The following COL4A4 variants were observed in gnomAD, a reference collection of about 807,000 sequenced individuals.
COL4A4 encodes collagen type IV alpha 4 chain, also known as collagen alpha-4(IV) chain.
Under a neutral mutation model 192.9 loss-of-function variants are expected in COL4A4, and 105 were observed. The observed-to-expected ratio is 0.54, with a 90% confidence interval of 0.46 to 0.64. The LOEUF is 0.64. Ranked by LOEUF, COL4A4 falls within the 30% of genes least tolerant of loss-of-function variation. The pLI, the probability that COL4A4 is intolerant of heterozygous loss-of-function variation, is 0.00. For missense variants in COL4A4, 1,967 were observed against 2,169.3 expected, an observed-to-expected ratio of 0.91 and a Z score of 1.85; for synonymous variants, 762 against 769.9, an observed-to-expected ratio of 0.99 and a Z score of 0.17.
chr2:227,104,123 G>A (rs2060680373), intron 12 of COL4A4, 71 bp from the exon 13 acceptor site: 1 of 1,249,070 alleles, frequency 8.0e-7, no homozygotes. Flanking sequence ...CCCATGTATT[G>A]TGGTATAATG....
intron 12 of COL4A4, among the ~76,000 whole-genome samples, chr2:227,107,331 A>C (rs943692360): frequency 1.3e-4 from 20 of 152,158 alleles, no homozygotes; most frequent in African/African-American, 4.3e-4. Flanking sequence ...CCTGTAATTC[A>C]CAGGACAGCC....
intron 28 of COL4A4, 89 bp from the exon 29 acceptor site, chr2:227,057,689 G>A: frequency 1.5e-6 from 2 of 1,335,926 alleles, no homozygotes; most frequent in Non-Finnish European, 2.1e-6. Flanking sequence ...CAATACTGGA[G>A]GTGAACATTT....
At chr2:227,044,125 T>A (rs1336350887) in intron 35 of COL4A4, among the ~76,000 whole-genome samples, 2 of 152,236 alleles carry the variant, frequency 1.3e-5, no homozygotes, top group African/African-American at 4.8e-5. Flanking sequence ...GCCAGTAGTT[T>A]GGAGTAAGTG....
At chr2:227,061,829 A>AT (rs1977136140) in intron 26 of COL4A4, among the ~76,000 whole-genome samples, 1 of 152,174 alleles carries the variant, frequency 6.6e-6, no homozygotes, top group African/African-American at 2.4e-5. Flanking sequence ...ATATTTGGGC[A>AT]TTTTTTTCAA....
intron 25 of COL4A4, 149 bp from the exon 26 acceptor site, chr2:227,062,747 C>A: frequency 1.5e-6 from 1 of 669,538 alleles, no homozygotes; most frequent in Non-Finnish European, 2.7e-6. Context: ...CATTAGATCA[C>A]TTAAGCTGCT....
At chr2:227,047,415 G>T (rs1973114065) in intron 35 of COL4A4, 60 bp downstream of exon 35, 3 of 1,189,476 alleles carry the variant, frequency 2.5e-6, no homozygotes, top group African/African-American at 1.5e-5. Flanking sequence ...AGAAGTAATT[G>T]TTCTGCTTTT....
chr2:227,080,663 T>C, intron 23 of COL4A4, 114 bp from the exon 24 acceptor site: 1 of 843,952 alleles, frequency 1.2e-6, no homozygotes, highest in Non-Finnish European at 2.0e-6. Context: ...GTTTCCTGTG[T>C]ATCTCAATTG....
rs190324578 is a variant in COL4A4 at position 227,120,203 on chromosome 2, G to A, written c.328-264C>T. On this transcript the variant is annotated intron_variant, in intron 5 of 47. Coordinates refer to ENST00000396625, the MANE Select transcript of COL4A4 (RefSeq NM_000092.5). ...ACAGAAATCTAACACTCCGAATCTC[G>A]ATCCTAGAGTAACAAACCCTTAACT... 5.3e-5 allele frequency among the ~76,000 whole-genome samples: 8 copies of A among 152,200 alleles called. No homozygotes were observed. The East Asian group carries it at 9.7e-4, about 18-fold the overall frequency.
intron 4 of COL4A4, among the ~76,000 whole-genome samples, chr2:227,136,659 A>G (rs1248640281): frequency 6.6e-6 from 1 of 152,178 alleles, no homozygotes; most frequent in Non-Finnish European, 1.5e-5. Flanking sequence ...ATTGCGAACC[A>G]TGGCCGTTCC....
At chr2:227,023,473 A>G (rs1432789021) in intron 43 of COL4A4, among the ~76,000 whole-genome samples, 7 of 151,848 alleles carry the variant, frequency 4.6e-5, no homozygotes. Flanking sequence ...GAAAACCACT[A>G]TACTAAAGAT....
intron 6 of COL4A4, among the ~76,000 whole-genome samples, chr2:227,119,061 T>A (rs867429636): frequency 1.3e-5 from 2 of 152,050 alleles, no homozygotes; most frequent in African/African-American, 4.8e-5. Flanking sequence ...TACCTCTTTT[T>A]TTTTTTCCAT....
At chr2:227,160,089 G>A (rs574142752) in intron 1 of COL4A4, among the ~76,000 whole-genome samples, 140 of 152,256 alleles carry the variant, frequency 9.2e-4, no homozygotes, top group Non-Finnish European at 1.4e-3. Context: ...TAGTAAATAC[G>A]AAGGTGTGAG....
chr2:226,973,291 C>G, the COL4A4 span, among the ~76,000 whole-genome samples: 5 of 152,216 alleles, frequency 3.3e-5, no homozygotes, highest in African/African-American at 1.2e-4. Context: ...TGCCTGGCAT[C>G]AAGTTAAGGA....
the COL4A4 span, chr2:226,988,461 G>T: frequency 1.3e-6 from 2 of 1,548,612 alleles, no homozygotes; most frequent in Non-Finnish European, 1.7e-6. Flanking sequence ...ATCCTTTGAG[G>T]CTGCAGGGTC....
rs1225616968 is a variant in COL4A4 at position 227,007,452 on chromosome 2, C to A, written c.4946G>T (p.Ser1649Ile). 1 of 1,614,224 alleles carries A rather than the reference C, an allele frequency of 6.2e-7. No homozygotes were observed. The highest frequency in any genetic ancestry group is 1.7e-5 in the Admixed American group (1 of 60,020). The change falls in exon 48 of 48, where the codon AGC (serine) becomes ATC (isoleucine). Residue 1649 changes from serine (S) to isoleucine (I), a missense_variant. Coordinates refer to ENST00000396625, the MANE Select transcript of COL4A4 (RefSeq NM_000092.5). The part of the protein sequence containing the change: ...GTCHFFANKY[S>I]FWLTTVKADL... ...TGCTTTCACCGTTGTGAGCCAGAAG[C>A]TATACTTATTTGCGAAAAAGTGGCA...
chr2:227,056,210 AC>A (rs1285706596), intron 29 of COL4A4, 95 bp from the exon 30 acceptor site: 5 of 1,064,798 alleles, frequency 4.7e-6, no homozygotes, highest in Non-Finnish European at 7.3e-6. Flanking sequence ...AATGCGTTAA[AC>A]AACAGTAAAG....
chr2:226,970,977 G>A, the COL4A4 span, among the ~76,000 whole-genome samples: 14 of 152,140 alleles, frequency 9.2e-5, no homozygotes, highest in Non-Finnish European at 1.6e-4. Flanking sequence ...CAGATCCCGT[G>A]TATAATATAT....
intron 40 of COL4A4, among the ~76,000 whole-genome samples, chr2:227,031,602 A>G (rs1479788952): frequency 6.6e-6 from 1 of 152,190 alleles, no homozygotes; most frequent in Non-Finnish European, 1.5e-5. Flanking sequence ...CTAGAGACCA[A>G]CAAGGAGGGT....
chr2:227,080,593 G>A, intron 23 of COL4A4, 44 bp from the exon 24 acceptor site: 1 of 1,530,150 alleles, frequency 6.5e-7, no homozygotes, highest in Non-Finnish European at 9.1e-7. Flanking sequence ...TATCAGCAGA[G>A]GGTAAAGTAG....
Sources: allele counts gnomAD v4.1 joint callset (sites outside exome capture counted in the v4.1 genomes callset), GRCh38; gene constraint gnomAD v4.1.1; transcripts MANE v1.5; gene names NCBI Gene and HGNC (gene_info 2026-07-23, HGNC 2026-07-21).